The following TRAPPC3L variants were observed in gnomAD, a reference collection of about 807,000 sequenced individuals.
The protein encoded by TRAPPC3L is trafficking protein particle complex subunit 3-like protein.
TRAPPC3L carries 23 observed loss-of-function variants against 23.7 expected under a neutral mutation model. That is an observed-to-expected ratio of 0.97 (90% CI 0.70 to 1.37). The LOEUF (loss-of-function observed/expected upper bound fraction) is 1.37. Ranked by LOEUF, TRAPPC3L falls within the 40% of genes most tolerant of loss-of-function variation. The probability of loss-of-function intolerance (pLI) is 0.00; values close to 1 mark genes in which losing one functional copy is unlikely to be tolerated. For synonymous variants in TRAPPC3L, 81 were observed against 77.9 expected (o/e 1.04, Z -0.21); for missense variants, 212 against 216.8 (o/e 0.98, Z 0.14).
At chr6:116,542,497 T>C (rs1773526892) in intron 2 of TRAPPC3L, among the ~76,000 whole-genome samples, 1 of 152,158 alleles carries the variant, frequency 6.6e-6, no homozygotes. Context: ...TCAATCTGCC[T>C]AGATAAATCT....
At chr6:116,525,328 T>C (rs1488836088) in intron 3 of TRAPPC3L, among the ~76,000 whole-genome samples, 1 of 152,222 alleles carries the variant, frequency 6.6e-6, no homozygotes, top group African/African-American at 2.4e-5. Flanking sequence ...TTTCCCATCC[T>C]GAACAGCTTT....
intron 3 of TRAPPC3L, among the ~76,000 whole-genome samples, chr6:116,501,082 T>C (rs1303509413): frequency 6.6e-6 from 1 of 152,170 alleles, no homozygotes; most frequent in Non-Finnish European, 1.5e-5. Context: ...TTCCCTTTCC[T>C]AGCCAAGGGA....
At chr6:116,508,730 A>G (rs547958996) in intron 3 of TRAPPC3L, among the ~76,000 whole-genome samples, 2 of 152,268 alleles carry the variant, frequency 1.3e-5, no homozygotes, top group Non-Finnish European at 2.9e-5. Flanking sequence ...ATAAAAAATG[A>G]AAGGGGGAAA....
At chr6:116,543,669 C>A in intron 1 of TRAPPC3L, 1 of 737,032 alleles carries the variant, frequency 1.4e-6, no homozygotes, top group Non-Finnish European at 2.2e-6. Flanking sequence ...TACATGATAA[C>A]TTGCAATGTA....
intron 3 of TRAPPC3L, among the ~76,000 whole-genome samples, chr6:116,540,146 T>C (rs1420574305): frequency 6.6e-6 from 1 of 152,188 alleles, no homozygotes; most frequent in Non-Finnish European, 1.5e-5. Flanking sequence ...TACACACTCC[T>C]GTAGTCAGGA....
At chr6:116,507,494 T>C (rs1026691883) in intron 3 of TRAPPC3L, among the ~76,000 whole-genome samples, 1 of 152,174 alleles carries the variant, frequency 6.6e-6, no homozygotes. Flanking sequence ...CCTCTCACTG[T>C]CCGTACTCCA....
At chr6:116,499,789 C>T (rs1771885591) in intron 4 of TRAPPC3L, among the ~76,000 whole-genome samples, 1 of 152,202 alleles carries the variant, frequency 6.6e-6, no homozygotes, top group Non-Finnish European at 1.5e-5. Context: ...GTTTTTCCTG[C>T]CACACGTCCT....
At chr6:116,503,052 T>C (rs1771944250) in intron 3 of TRAPPC3L, among the ~76,000 whole-genome samples, 1 of 152,158 alleles carries the variant, frequency 6.6e-6, no homozygotes, top group Non-Finnish European at 1.5e-5. Context: ...GTGGGCTAAA[T>C]GCCCCAATTA....
intron 3 of TRAPPC3L, among the ~76,000 whole-genome samples, chr6:116,515,221 G>A (rs1169208482): frequency 2.0e-5 from 3 of 152,034 alleles, no homozygotes; most frequent in African/African-American, 7.2e-5. Context: ...CTGAAGAGCT[G>A]GTCATTTACT....
chr6:116,498,183 CCAGCTGT>C (rs1771861335), intron 4 of TRAPPC3L, among the ~76,000 whole-genome samples: 1 of 152,174 alleles, frequency 6.6e-6, no homozygotes, highest in South Asian at 2.1e-4. Flanking sequence ...AGGTCTGATA[CCAGCTGT>C]CATTCAGCAA....
chr6:116,544,789 A>G (rs1773672667), intron 1 of TRAPPC3L, among the ~76,000 whole-genome samples: 1 of 152,030 alleles, frequency 6.6e-6, no homozygotes, highest in African/African-American at 2.4e-5. Flanking sequence ...AATTCTAAAC[A>G]CCAAGTCTGA....
Position 116,527,277 on chromosome 6 carries a change from G to A in TRAPPC3L, c.240+13086C>T, listed in dbSNP as rs185871505. Among the ~76,000 whole-genome samples, 494 of 152,142 alleles carry A rather than the reference G, an allele frequency of 3.2e-3. 12 individuals carry two copies. Among genetic ancestry groups the A allele is most frequent in the Admixed American group, 0.022 (344 of 15,298 alleles). On this transcript the variant is annotated intron_variant, in intron 3 of 4. Transcript: ENST00000368602. Reference sequence around the variant, plus strand: ...TCACGCCTGTAATCCCAGCACTTTGGGGGGCCGAGACGGACGAATCACGAG... The same window carrying A: ...TCACGCCTGTAATCCCAGCACTTTGAGGGGCCGAGACGGACGAATCACGAG...
rs192114676 is a variant in TRAPPC3L at position 116,497,856 on chromosome 6, C to T, written c.427-783G>A. 4.2e-3 allele frequency among the ~76,000 whole-genome samples: 636 copies of T among 152,264 alleles called. 6 individuals carry two copies. Among genetic ancestry groups the T allele is most frequent in the African/African-American group, 0.014 (589 of 41,554 alleles). On this transcript the variant is annotated intron_variant, in intron 4 of 4. Coordinates refer to ENST00000368602, the MANE Select transcript of TRAPPC3L (RefSeq NM_001139444.3). ...GCAAATAATATGTGAAAAATGCCCACATGTAGCAGGCAATTAATTGATGTT... is the reference window on the plus strand; with the variant it reads ...GCAAATAATATGTGAAAAATGCCCATATGTAGCAGGCAATTAATTGATGTT...
chr6:116,497,405 C>T (rs1178957485), intron 4 of TRAPPC3L, among the ~76,000 whole-genome samples: 1 of 152,174 alleles, frequency 6.6e-6, no homozygotes, highest in African/African-American at 2.4e-5. Context: ...ATAGCCTTGA[C>T]CCACTGTGCT....
chr6:116,496,899 T>C lies in TRAPPC3L; in HGVS notation c.*55A>G. The C allele has an allele frequency of 7.9e-6, 12 of 1,514,914 alleles. No homozygotes were observed. Among genetic ancestry groups the C allele is most frequent in the African/African-American group, 2.8e-5 (2 of 70,306 alleles). 93.8% of individuals were successfully genotyped at this position (1,514,914 alleles called of 1,614,324 possible). On this transcript the variant is annotated 3_prime_UTR_variant, in exon 5 of 5. Coordinates refer to ENST00000368602, the MANE Select transcript of TRAPPC3L (RefSeq NM_001139444.3). ...AATTCAAAATTTCTATGTCTATACA[T>C]GTTTAGCTAACATTAACTCAGCTAG... is the stretch of plus-strand genomic sequence containing the variant.
chr6:116,539,444 T>C (rs1442911166), intron 3 of TRAPPC3L, among the ~76,000 whole-genome samples: 1 of 152,190 alleles, frequency 6.6e-6, no homozygotes, highest in East Asian at 1.9e-4. Context: ...GTATTTTTAA[T>C]GTAGAATTTT....
At chr6:116,498,004 C>T (rs575693277) in intron 4 of TRAPPC3L, among the ~76,000 whole-genome samples, 6 of 152,310 alleles carry the variant, frequency 3.9e-5, no homozygotes, top group South Asian at 4.1e-4. Context: ...CCTTGCAATG[C>T]CTACCATTTA....
intron 3 of TRAPPC3L, chr6:116,521,719 C>T (rs1477269307): frequency 6.6e-6 from 1 of 152,186 alleles, no homozygotes; most frequent in Non-Finnish European, 1.5e-5. Flanking sequence ...TATCTGGCTA[C>T]CCCTTAATCC....
chr6:116,539,946 T>A (rs1773331846), intron 3 of TRAPPC3L, among the ~76,000 whole-genome samples: 1 of 152,200 alleles, frequency 6.6e-6, no homozygotes, highest in South Asian at 2.1e-4. Context: ...TCTGTTTTTC[T>A]CTTGGGAAAA....
Sources: gnomAD v4.1 joint callset for allele counts (sites outside exome capture counted in the v4.1 genomes callset) on GRCh38, gnomAD v4.1.1 for gene constraint, MANE v1.5 for transcripts, NCBI Gene and HGNC (gene_info 2026-07-23, HGNC 2026-07-21) for gene names.